Variants in GLE1 observed in about 807,000 individuals in gnomAD.
GLE1 encodes mRNA export factor GLE1.
Under a neutral mutation model 97.3 loss-of-function variants are expected in GLE1, and 78 were observed. The ratio of observed to expected loss-of-function variants is 0.80; its 90% CI spans 0.67 to 0.97. The LOEUF (loss-of-function observed/expected upper bound fraction) is 0.97, where lower values mean the gene tolerates loss of function less well. GLE1 is among the 50% of genes least tolerant of loss of function. GLE1 has a pLI of 0.00. For missense variants in GLE1, 753 were observed against 857.5 expected (o/e 0.88, Z 1.52); for synonymous variants, 302 against 313.4 (o/e 0.96, Z 0.39).
chr9:128,524,913 C>T (rs1564151263), intron 6 of GLE1, among the ~76,000 whole-genome samples: 1 of 151,982 alleles, frequency 6.6e-6, no homozygotes, highest in Non-Finnish European at 1.5e-5. Flanking sequence ...TATAATAAAA[C>T]AGTATTATTT....
chr9:128,516,219 A>G (rs564370446), intron 3 of GLE1, among the ~76,000 whole-genome samples: 13 of 152,100 alleles, frequency 8.5e-5, no homozygotes, highest in Admixed American at 2.6e-4. Flanking sequence ...CAGCCTCCCA[A>G]GGTGCTGGGA....
intron 2 of GLE1, among the ~76,000 whole-genome samples, chr9:128,514,339 A>G (rs1846914808): frequency 1.4e-5 from 1 of 72,820 alleles, no homozygotes. Context: ...ATCTTGTTTC[A>G]AAAAAAAAAA....
At chr9:128,535,977 A>G (rs1023371684) in intron 11 of GLE1, among the ~76,000 whole-genome samples, 1 of 152,088 alleles carries the variant, frequency 6.6e-6, no homozygotes, top group African/African-American at 2.4e-5. Flanking sequence ...GTTTCCCAAA[A>G]AAAAGCAATT....
intron 9 of GLE1, among the ~76,000 whole-genome samples, chr9:128,531,399 C>T (rs1224142291): frequency 6.9e-6 from 1 of 145,242 alleles, no homozygotes; most frequent in Non-Finnish European, 1.5e-5. Context: ...TGGTGGCAGG[C>T]GCCTGTAATC....
chr9:128,537,010 G>A (rs187232993), intron 12 of GLE1: 31 of 166,520 alleles, frequency 1.9e-4, no homozygotes, highest in African/African-American at 7.2e-4. Context: ...TATGCCTGCT[G>A]TGTCCCAGGT....
upstream of GLE1, chr9:128,504,699 TGC>T (rs1589036487): frequency 4.9e-6 from 4 of 817,488 alleles, no homozygotes; most frequent in East Asian, 7.3e-5. Flanking sequence ...GGGGCTGTGC[TGC>T]GCGCGCGTCC....
chr9:128,528,189 A>G lies in GLE1; in HGVS notation c.1312+664A>G, dbSNP rs1847365122. Among the ~76,000 whole-genome samples, 3 of 151,490 alleles carry G rather than the reference A, an allele frequency of 2.0e-5. No homozygotes were observed. The South Asian group carries it at 6.3e-4, about 32-fold the overall frequency. On this transcript the variant is annotated intron_variant, in intron 9 of 15. Coordinates refer to ENST00000309971, the MANE Select transcript of GLE1 (RefSeq NM_001003722.2). ...CCGGCTAATTTTTTGTATTTTTAGT[A>G]GAGACGGGGTTTCACTGTGTTAGCC...
intron 9 of GLE1, among the ~76,000 whole-genome samples, chr9:128,530,364 A>G (rs752687323): frequency 6.6e-6 from 1 of 151,986 alleles, no homozygotes; most frequent in African/African-American, 2.4e-5. Flanking sequence ...ACCATTATCT[A>G]CTCAGTAATC....
intron 7 of GLE1, among the ~76,000 whole-genome samples, chr9:128,526,766 C>T (rs1847311696): frequency 6.6e-6 from 1 of 151,908 alleles, no homozygotes; most frequent in Non-Finnish European, 1.5e-5. Context: ...CCCTCCCAGG[C>T]TCAAGTGATC....
chr9:128,504,728 T>G lies in GLE1; in HGVS notation c.-78T>G. 2.1e-6 allele frequency: 2 copies of G among 972,164 alleles called. No individual in the cohort carries two copies. The highest frequency in any genetic ancestry group is 1.7e-6 in the Non-Finnish European group (1 of 603,084). 60.2% of individuals were successfully genotyped at this position (972,164 alleles called of 1,614,324 possible). A position where few individuals can be genotyped will look rare whatever the true frequency, so the allele number is the denominator to read the frequency against. On this transcript the variant is annotated 5_prime_UTR_variant, in exon 1 of 16. Transcript: ENST00000309971. ...CGCGCGTCCCGGAAGCAGAAGCCTG[T>G]GTGGCCTTCCCGGCGGCTGATTCGA...
At chr9:128,520,371 T>C (rs1847113924) in intron 3 of GLE1, among the ~76,000 whole-genome samples, 1 of 148,470 alleles carries the variant, frequency 6.7e-6, no homozygotes, top group South Asian at 2.1e-4. Context: ...TGTATATATG[T>C]ATATATGTAT....
chr9:128,510,688 C>G (rs1846788417), intron 2 of GLE1, among the ~76,000 whole-genome samples: 2 of 151,284 alleles, frequency 1.3e-5, no homozygotes, highest in South Asian at 4.2e-4. Flanking sequence ...GCCACCATGC[C>G]TGGCTAATTT....
At chr9:128,505,142 C>T (rs1824710725) in intron 1 of GLE1, among the ~76,000 whole-genome samples, 1 of 152,216 alleles carries the variant, frequency 6.6e-6, no homozygotes, top group South Asian at 2.1e-4. Context: ...GGCTTCATTG[C>T]TACCCTCCGC....
intron 13 of GLE1, 49 bp from the exon 14 acceptor site, chr9:128,539,567 A>AGT: frequency 1.3e-6 from 2 of 1,508,352 alleles, no homozygotes; most frequent in Non-Finnish European, 1.8e-6. Context: ...CTGTCCTGTG[A>AGT]GTGTGAATTT....
chr9:128,531,831 C>CTAAA (rs1847519415), intron 9 of GLE1, among the ~76,000 whole-genome samples: 5 of 51,878 alleles, frequency 9.6e-5, no homozygotes, highest in Admixed American at 2.3e-4. Context: ...GACTCCAGCT[C>CTAAA]AAAAAAAAAA....
At position 128,533,515 on chromosome 9, in the gene GLE1, T is replaced by C; in HGVS notation, c.1315T>C (p.Ser439Pro). The C allele has an allele frequency of 6.2e-7, 1 of 1,605,192 alleles. No homozygotes were observed. The highest frequency in any genetic ancestry group is 8.5e-7 in the Non-Finnish European group (1 of 1,174,362). The change falls in exon 10 of 16, where the codon TCA becomes CCA. Residue 439 changes from serine to proline, a missense_variant and splice_region_variant. By Grantham distance (74) the Ser-to-Pro change is moderately conservative (BLOSUM62 -1). Transcript: ENST00000309971. Reference protein sequence around the residue: ...PVSQISTIAGSKLKEIFDKIH... With the variant: ...PVSQISTIAGPKLKEIFDKIH... ...TAATTTCTCTCTATCATGCTCAGGC[T>C]CAAAACTGAAGGAGATCTTTGACAA...
chr9:128,518,155 T>A (rs1284005885), intron 3 of GLE1, among the ~76,000 whole-genome samples: 1 of 151,786 alleles, frequency 6.6e-6, no homozygotes, highest in Non-Finnish European at 1.5e-5. Context: ...GTGCCTGGCC[T>A]ATTTTTTTTT....
chr9:128,517,171 T>G (rs1458332813), intron 3 of GLE1, among the ~76,000 whole-genome samples: 2 of 151,636 alleles, frequency 1.3e-5, no homozygotes, highest in African/African-American at 4.8e-5. Flanking sequence ...ATGCCTATAA[T>G]ACTAGTTACT....
intron 9 of GLE1, among the ~76,000 whole-genome samples, chr9:128,532,227 T>C (rs1226426756): frequency 1.4e-5 from 2 of 145,150 alleles, no homozygotes; most frequent in Non-Finnish European, 3.0e-5. Context: ...TTTTTTTTTT[T>C]TTTTTTTTTA....
Sources: gnomAD v4.1 joint callset for allele counts (sites outside exome capture counted in the v4.1 genomes callset) on GRCh38, gnomAD v4.1.1 for gene constraint, MANE v1.5 for transcripts, NCBI Gene and HGNC (gene_info 2026-07-23, HGNC 2026-07-21) for gene names.